Variants in RACK1 observed in about 807,000 individuals in gnomAD.
RACK1 encodes the protein small ribosomal subunit protein RACK1.
RACK1 carries 3 observed loss-of-function variants against 42.2 expected under a neutral mutation model. The observed-to-expected ratio is 0.07, with a 90% confidence interval of 0.03 to 0.18. RACK1 has a LOEUF of 0.18. Ranked by LOEUF, RACK1 falls within the 10% of genes least tolerant of loss-of-function variation. RACK1 has a pLI of 1.00. For synonymous variants in RACK1, 181 were observed against 154.8 expected (o/e 1.17, Z -1.25); for missense variants, 146 against 403.2 (o/e 0.36, Z 5.46).
At chr5:181,243,171 G>A in intron 1 of RACK1, 4 of 803,756 alleles carry the variant, frequency 5.0e-6, no homozygotes, top group Admixed American at 4.8e-5. Context: ...CAGCAAAGCG[G>A]AAGCACAAGA....
At chr5:181,238,374 G>A (rs1176808918) in intron 5 of RACK1, 135 bp from the exon 6 acceptor site, 52 of 860,204 alleles carry the variant, frequency 6.0e-5, no homozygotes, top group Non-Finnish European at 8.1e-5. Context: ...AATGACTCAA[G>A]TACCAATATT....
At chr5:181,239,040 A>G (rs1759247987) in intron 5 of RACK1, 27 bp downstream of exon 5, 4 of 1,423,952 alleles carry the variant, frequency 2.8e-6, no homozygotes, top group Non-Finnish European at 3.0e-6. Context: ...TCTTCCACTG[A>G]GTAGGAGACG....
chr5:181,242,894 C>G, intron 1 of RACK1: 1 of 330,980 alleles, frequency 3.0e-6, no homozygotes. Context: ...GCCAGAAATA[C>G]AGACACCCTT....
rs182884606 is a variant in RACK1 at position 181,243,191 on chromosome 5, A to G, written c.109+501T>C. ...AAGCGGAAGCACAAGAAGCGTCTAA[A>G]CGCAGTCAGGAACACAGGGATAGGG... On this transcript the variant is annotated intron_variant, in intron 1 of 7. Coordinates refer to ENST00000512805, the MANE Select transcript of RACK1 (RefSeq NM_006098.5). 25 of 1,041,234 alleles carry G rather than the reference A, an allele frequency of 2.4e-5. No homozygotes were observed. In the East Asian group the frequency reaches 1.4e-3, roughly 59 times the overall value. 64.5% of individuals were successfully genotyped at this position (1,041,234 alleles called of 1,614,324 possible).
rs776849584 is a variant in RACK1, at chr5:181,239,053, T to C, written c.636+14A>G. 6.5e-6 allele frequency: 10 copies of C among 1,549,150 alleles called. No homozygotes were observed. The African/African-American group carries it at 1.2e-4, about 19-fold the overall frequency. On this transcript the variant is annotated intron_variant, in intron 5 of 7. Coordinates refer to ENST00000512805, the MANE Select transcript of RACK1 (RefSeq NM_006098.5). ...TGTCTTCCACTGAGTAGGAGACGCCTTGTCCCCAAATACCTTGCCTCCAGA... is the reference window on the plus strand; with the variant it reads ...TGTCTTCCACTGAGTAGGAGACGCCCTGTCCCCAAATACCTTGCCTCCAGA...
At chr5:181,242,152 A>G in intron 2 of RACK1, 22 bp downstream of exon 2, 1 of 1,602,312 alleles carries the variant, frequency 6.2e-7, no homozygotes, top group Non-Finnish European at 8.5e-7. Context: ...AAGGCCCCAG[A>G]GCTAAGTGAG....
chr5:181,239,292 CAT>C, intron 4 of RACK1, 115 bp from the exon 5 acceptor site: 1 of 795,764 alleles, frequency 1.3e-6, no homozygotes, highest in Non-Finnish European at 2.2e-6. Context: ...CATTCAGTAA[CAT>C]GTCCTGGCCA....
chr5:181,237,388 A>T, intron 7 of RACK1: 2 of 697,838 alleles, frequency 2.9e-6, no homozygotes, highest in South Asian at 3.0e-5. Flanking sequence ...TTAAGGTATT[A>T]ATTGAAGGCT....
Position 181,242,158 on chromosome 5 carries a change from G to A in RACK1, c.281+16C>T, listed in dbSNP as rs1759371264. The stretch of plus-strand genomic sequence containing the variant: ...ATTCTTCCCAAGGCCCCAGAGCTAA[G>A]TGAGCAGCTACTTGCGTTGTGAGAT... On this transcript the variant is annotated intron_variant, in intron 2 of 7. Coordinates refer to ENST00000512805, the MANE Select transcript of RACK1 (RefSeq NM_006098.5). 6.2e-7 allele frequency: 1 copy of A among 1,605,956 alleles called. No individual in the cohort carries two copies. Among genetic ancestry groups the A allele is most frequent in the Non-Finnish European group, 8.5e-7 (1 of 1,175,732 alleles).
chr5:181,237,642 C>G lies in RACK1; in HGVS notation c.855G>C (p.Gln285His), dbSNP rs1022596913. ...ISTSSKAEPPQCTSLAWSADG... is the reference protein window; with the variant it reads ...ISTSSKAEPPHCTSLAWSADG... The stretch of plus-strand genomic sequence containing the variant: ...CAGCAGACCAGGCCAGGGAGGTGCA[C>G]TGGGGTGGTTCTGCCTTGCTGCTGG... The change falls in exon 7 of 8, where the codon CAG (glutamine) becomes CAC (histidine). Residue 285 changes from glutamine to histidine, a missense_variant. Coordinates refer to ENST00000512805, the MANE Select transcript of RACK1 (RefSeq NM_006098.5). 3 of 1,610,612 alleles carry G rather than the reference C, an allele frequency of 1.9e-6. No homozygotes were observed. Among genetic ancestry groups the G allele is most frequent in the Non-Finnish European group, 2.5e-6 (3 of 1,176,762 alleles).
Position 181,238,098 on chromosome 5 carries a change from C to T in RACK1, c.777+1G>A. The T allele has an allele frequency of 6.2e-7, 1 of 1,614,190 alleles. No individual in the cohort carries two copies. The highest frequency in any genetic ancestry group is 8.5e-7 in the Non-Finnish European group (1 of 1,180,018). On this transcript the variant is annotated splice_donor_variant, in intron 6 of 7. Transcript: ENST00000512805. LOFTEE classifies it high-confidence loss of function. ...CCCAGTCAATTGTAACCCACACTCA[C>T]CCAGATCTTGATGCTGGGGCCTGTG...
chr5:181,238,431 CA>C, intron 5 of RACK1, 192 bp from the exon 6 acceptor site: 1 of 568,164 alleles, frequency 1.8e-6, no homozygotes, highest in East Asian at 3.0e-5. Flanking sequence ...CCAACCCCAT[CA>C]AAAAACCCCT....
At position 181,238,132 on chromosome 5, in the gene RACK1, C is replaced by T. The variant is rs568961277; in HGVS notation, c.744G>A (p.Leu248=). 62 of 1,614,198 alleles carry T rather than the reference C, an allele frequency of 3.8e-5. No individual in the cohort carries two copies. In the South Asian group the frequency reaches 6.7e-4, roughly 17 times the overall value. ...ALCFSPNRYW[L]CAATGPSIKI... ...TGATGCTGGGGCCTGTGGCAGCACA[C>T]AGCCAGTAGCGGTTAGGGCTGAAGC... is the stretch of plus-strand genomic sequence containing the variant. Residue 248 remains leucine, a synonymous_variant, in exon 6 of 8, where the codon CTG becomes CTA. Coordinates refer to ENST00000512805, the MANE Select transcript of RACK1 (RefSeq NM_006098.5).
intron 4 of RACK1, 119 bp downstream of exon 4, chr5:181,239,368 T>C: frequency 1.2e-6 from 1 of 809,402 alleles, no homozygotes; most frequent in South Asian, 1.4e-5. Context: ...CATCAGACCA[T>C]GTGACAAGAG....
chr5:181,243,869 C>G lies in RACK1; in HGVS notation c.-69G>C. 1 of 1,510,578 alleles carries G rather than the reference C, an allele frequency of 6.6e-7. No individual in the cohort carries two copies. Among genetic ancestry groups the G allele is most frequent in the East Asian group, 2.5e-5 (1 of 39,834 alleles). The allele number at this position is 1,510,578 out of a possible 1,614,324, so 93.6% of individuals were successfully genotyped here. A position where few individuals can be genotyped will look rare whatever the true frequency, so the allele number is the denominator to read the frequency against. ...CTGGATGGCTTAGAGAAACTAGCAC[C>G]ACAACCTCTCCTGCCGCCGCCTTGC... On this transcript the variant is annotated 5_prime_UTR_variant, in exon 1 of 8. Transcript: ENST00000512805.
chr5:181,238,389 T>A, intron 5 of RACK1, 150 bp from the exon 6 acceptor site: 1 of 729,086 alleles, frequency 1.4e-6, no homozygotes, highest in Non-Finnish European at 2.3e-6. Context: ...AATATTTATC[T>A]CTGTATACCT....
intron 7 of RACK1, 26 bp downstream of exon 7, chr5:181,237,583 T>A (rs1392518691): frequency 8.7e-7 from 1 of 1,144,518 alleles, no homozygotes; most frequent in South Asian, 1.2e-5. Context: ...GGAAGCAGAA[T>A]CACCTGAGAG....
Sources: gnomAD v4.1 joint callset for allele counts on GRCh38, gnomAD v4.1.1 for gene constraint, MANE v1.5 for transcripts, NCBI Gene and HGNC (gene_info 2026-07-23, HGNC 2026-07-21) for gene names.